The following CPNE9 variants were observed in gnomAD, a reference collection of about 807,000 sequenced individuals.
CPNE9 encodes the protein copine family member 9, also known as copine-9.
Under a neutral mutation model 83.0 loss-of-function variants are expected in CPNE9, and 59 were observed. That is an observed-to-expected ratio of 0.71 (90% CI 0.58 to 0.88). The LOEUF is 0.88. CPNE9 is among the 40% of genes least tolerant of loss of function. The pLI is 0.00. For missense variants in CPNE9, 619 were observed against 720.8 expected, an observed-to-expected ratio of 0.86 and a Z score of 1.62; for synonymous variants, 256 against 273.4, an observed-to-expected ratio of 0.94 and a Z score of 0.63.
At chr3:9,721,018 G>C (rs895702663) in intron 17 of CPNE9, among the ~76,000 whole-genome samples, 1 of 152,224 alleles carries the variant, frequency 6.6e-6, no homozygotes, top group Non-Finnish European at 1.5e-5. Context: ...ACCTAGAACA[G>C]TGCCTGCCAC....
intron 18 of CPNE9, 27 bp downstream of exon 18, chr3:9,726,078 G>A: frequency 1.4e-6 from 2 of 1,455,472 alleles, no homozygotes; most frequent in Non-Finnish European, 9.5e-7. Flanking sequence ...GGGCTTGGCA[G>A]GGAGGAGTAA....
chr3:9,718,594 A>G lies in CPNE9; in HGVS notation c.1233A>G (p.Gln411=). 2.5e-6 allele frequency: 4 copies of G among 1,612,670 alleles called. No individual in the cohort carries two copies. The highest frequency in any genetic ancestry group is 3.4e-6 in the Non-Finnish European group (4 of 1,178,968). ...CCTACTTTGCTCCTGTCATCAACCA[A>G]GTGGCCAGGTAAGGGAACTGGGTGG... ...GPTYFAPVIN[Q]VARAAAKISD... The change falls in exon 17 of 21, where the codon CAA becomes CAG. Residue 411 remains glutamine (Q), a synonymous_variant. Transcript: ENST00000383832.
At position 9,729,839 on chromosome 3, in the gene CPNE9, C is replaced by T; in HGVS notation, c.*147C>T. 8.5e-7 allele frequency: 1 copy of T among 1,170,816 alleles called. No individual in the cohort carries two copies. The highest frequency in any genetic ancestry group is 1.2e-6 in the Non-Finnish European group (1 of 864,252). The allele number at this position is 1,170,816 out of a possible 1,614,324, so 72.5% of individuals were successfully genotyped here. On this transcript the variant is annotated 3_prime_UTR_variant, in exon 21 of 21. Coordinates refer to ENST00000383832, the MANE Select transcript of CPNE9 (RefSeq NM_153635.3). ...GGCTGACAAGCCCTCCGCCTCCTTG[C>T]CTGCAGAGGGCCTGGCACTATCACC... is the stretch of plus-strand genomic sequence containing the variant.
chr3:9,719,927 G>A (rs2076719370), intron 17 of CPNE9, among the ~76,000 whole-genome samples: 1 of 150,458 alleles, frequency 6.6e-6, no homozygotes, highest in Non-Finnish European at 1.5e-5. Context: ...GGAGGCAGAG[G>A]GTGCAGTGAG....
chr3:9,723,344 C>T (rs563256919), intron 17 of CPNE9, among the ~76,000 whole-genome samples: 49 of 152,064 alleles, frequency 3.2e-4, no homozygotes, highest in Non-Finnish European at 5.4e-4. Context: ...TGGTGGTGGG[C>T]GCCTGTAATC....
At chr3:9,724,025 G>T (rs2076755226) in intron 17 of CPNE9, among the ~76,000 whole-genome samples, 1 of 152,122 alleles carries the variant, frequency 6.6e-6, no homozygotes, top group South Asian at 2.1e-4. Context: ...TAGCTAGGGT[G>T]GCCAAGGAAC....
rs1458781364 is a variant in CPNE9 at position 9,729,725 on chromosome 3, A to C, written c.*33A>C. 6.3e-7 allele frequency: 1 copy of C among 1,578,984 alleles called. No homozygotes were observed. The highest frequency in any genetic ancestry group is 8.6e-7 in the Non-Finnish European group (1 of 1,156,316). On this transcript the variant is annotated 3_prime_UTR_variant, in exon 21 of 21. Coordinates refer to ENST00000383832, the MANE Select transcript of CPNE9 (RefSeq NM_153635.3). ...ACATATCCAATGCCTCACAGTCTGC[A>C]AGCCTGCTCACCCACTGCTTCTGCT... is the stretch of plus-strand genomic sequence containing the variant.
chr3:9,718,624 TG>T, intron 17 of CPNE9, 22 bp downstream of exon 17: 1 of 1,608,184 alleles, frequency 6.2e-7, no homozygotes, highest in Non-Finnish European at 8.5e-7. Flanking sequence ...GGGTGGAAGC[TG>T]GGGGAAATGA....
At chr3:9,729,411 A>G in intron 20 of CPNE9, 96 bp from the exon 21 acceptor site, 2 of 1,472,842 alleles carry the variant, frequency 1.4e-6, no homozygotes, top group Non-Finnish European at 1.8e-6. Context: ...ATAGTTGGAA[A>G]GAGATGCTGG....
chr3:9,729,505 A>G lies in CPNE9; in HGVS notation c.1477-2A>G, dbSNP rs1275368023. 1 of 1,610,188 alleles carries G rather than the reference A, an allele frequency of 6.2e-7. No homozygotes were observed. Among genetic ancestry groups the G allele is most frequent in the Non-Finnish European group, 8.5e-7 (1 of 1,176,954 alleles). On this transcript the variant is annotated splice_acceptor_variant, in intron 20 of 20. Coordinates refer to ENST00000383832, the MANE Select transcript of CPNE9 (RefSeq NM_153635.3). LOFTEE classifies it high-confidence loss of function. ...ATCTCTTCTTGTCTGTGCCTGACCCAGTTCGTCCCATTCCGAGACTATGTT... is the reference window on the plus strand; with the variant it reads ...ATCTCTTCTTGTCTGTGCCTGACCCGGTTCGTCCCATTCCGAGACTATGTT...
chr3:9,724,698 C>T (rs1308516407), intron 17 of CPNE9, among the ~76,000 whole-genome samples: 2 of 151,866 alleles, frequency 1.3e-5, no homozygotes, highest in African/African-American at 2.4e-5. Context: ...CCTTCACTTA[C>T]CTGCTGGGTC....
Position 9,726,001 on chromosome 3 carries a change from A to C in CPNE9, c.1294A>C (p.Thr432Pro). ...CCAGTACTATGTTCTGCTCATCATC[A>C]CTGATGGGGTCATCTCTGACATGAC... Reference protein sequence around the residue: ...GSQYYVLLIITDGVISDMTQT... With the variant: ...GSQYYVLLIIPDGVISDMTQT... Residue 432 changes from threonine to proline, a missense_variant, in exon 18 of 21, where the codon ACT becomes CCT. Transcript: ENST00000383832. 1 of 1,612,426 alleles carries C rather than the reference A, an allele frequency of 6.2e-7. No homozygotes were observed. The highest frequency in any genetic ancestry group is 8.5e-7 in the Non-Finnish European group (1 of 1,179,218).
chr3:9,722,160 A>ACG (rs1553691391), intron 17 of CPNE9, among the ~76,000 whole-genome samples: 3 of 132,064 alleles, frequency 2.3e-5, no homozygotes, highest in African/African-American at 8.4e-5. Flanking sequence ...CAGGTGATCC[A>ACG]CCCCCCCCCG....
In CPNE9 at chr3:9,704,080, T is replaced by G; in HGVS notation, c.68+16T>G. ...TGTCCTGCCGGTGAGCGGGCCGCGC[T>G]GGGGAGGGCTTAGGCACTGGCACTG... On this transcript the variant is annotated intron_variant, in intron 1 of 20. Coordinates refer to ENST00000383832, the MANE Select transcript of CPNE9 (RefSeq NM_153635.3). The surrounding 1 kb of genome is among the most constrained non-coding windows in gnomAD (Gnocchi z 7.1). 1 of 1,599,808 alleles carries G rather than the reference T, an allele frequency of 6.3e-7. No individual in the cohort carries two copies. The highest frequency in any genetic ancestry group is 8.5e-7 in the Non-Finnish European group (1 of 1,174,392).
rs781235708 is a variant in CPNE9 at position 9,725,965 on chromosome 3, T to C, written c.1258T>C (p.Ser420Pro). The C allele has an allele frequency of 6.2e-6, 10 of 1,613,380 alleles. No individual in the cohort carries two copies. The highest frequency in any genetic ancestry group is 5.9e-6 in the Non-Finnish European group (7 of 1,179,508). ...CTCATCCAGGGCTGCAGCCAAGATC[T>C]CTGATGGCTCCCAGTACTATGTTCT... is the stretch of plus-strand genomic sequence containing the variant. ...NQVARAAAKI[S>P]DGSQYYVLLI... The change falls in exon 18 of 21, where the codon TCT (serine) becomes CCT (proline). Residue 420 changes from serine to proline, a missense_variant. By Grantham distance (74) the Ser-to-Pro change is moderately conservative. This residue lies in a region of CPNE9 where 438 missense variants were observed against 562.9 expected (regional missense o/e 0.78). Transcript: ENST00000383832.
intron 4 of CPNE9, 26 bp from the exon 5 acceptor site, chr3:9,705,438 C>CCCCCCCCCCCGTG: frequency 6.7e-7 from 1 of 1,491,214 alleles, no homozygotes; most frequent in Non-Finnish European, 9.2e-7. Context: ...CAGCCCCACC[C>CCCCCCCCCCCGTG]CACACCGGTT....
rs1385984987 is a variant in CPNE9 at position 9,729,563 on chromosome 3, C to T, written c.1533C>T (p.Ala511=). The part of the protein sequence containing the change: ...DRSGNQVLSM[A]RLAKDVLAEI... ...CGGGGAACCAGGTGTTGAGCATGGC[C>T]CGACTGGCCAAGGATGTGCTGGCCG... is the stretch of plus-strand genomic sequence containing the variant. Residue 511 remains alanine, a synonymous_variant, in exon 21 of 21, where the codon GCC becomes GCT. Transcript: ENST00000383832. 3 of 1,614,106 alleles carry T rather than the reference C, an allele frequency of 1.9e-6. No homozygotes were observed. Among genetic ancestry groups the T allele is most frequent in the Non-Finnish European group, 2.5e-6 (3 of 1,180,008 alleles).
chr3:9,710,343 G>A (rs1447045951), intron 7 of CPNE9, among the ~76,000 whole-genome samples: 1 of 152,236 alleles, frequency 6.6e-6, no homozygotes, highest in African/African-American at 2.4e-5. Flanking sequence ...AACTGTAGGA[G>A]TCACACTTGT....
In CPNE9 at chr3:9,703,968, C is replaced by T; in HGVS notation, c.-29C>T. 1 of 1,581,130 alleles carries T rather than the reference C, an allele frequency of 6.3e-7. No homozygotes were observed. On this transcript the variant is annotated 5_prime_UTR_variant, in exon 1 of 21. Coordinates refer to ENST00000383832, the MANE Select transcript of CPNE9 (RefSeq NM_153635.3). The stretch of plus-strand genomic sequence containing the variant: ...GCCCCAGCAGCCCTGGTCTCGCAGC[C>T]TCCTGCGGCTCTGGTCGCCCGACCA...
Sources: gnomAD v4.1 joint callset for allele counts (sites outside exome capture counted in the v4.1 genomes callset) on GRCh38, gnomAD v4.1.1 for gene constraint, gnomAD v4.1.1 regional missense constraint, Gnocchi (gnomAD v3.1) non-coding constraint, MANE v1.5 for transcripts, NCBI Gene and HGNC (gene_info 2026-07-23, HGNC 2026-07-21) for gene names.